LRFN5: variants seen among roughly 807,000 people sequenced by gnomAD.
LRFN5 encodes the protein leucine rich repeat and fibronectin type III domain containing 5, also known as leucine-rich repeat and fibronectin type-III domain-containing protein 5.
LRFN5 carries 24 observed loss-of-function variants against 45.6 expected under a neutral mutation model. The ratio of observed to expected loss-of-function variants is 0.53; its 90% confidence interval spans 0.38 to 0.74. The LOEUF is 0.74. Among genes scored for constraint, LRFN5 ranks in the 30% least tolerant of loss-of-function variants. The pLI, the probability that LRFN5 is intolerant of heterozygous loss-of-function variation, is 0.00. For synonymous variants in LRFN5, 340 were observed against 313.8 expected (o/e 1.08, Z -0.88); for missense variants, 776 against 861.5 (o/e 0.90, Z 1.24).
chr14:41,901,432 TTGTGTGTGTGTGTGTG>T (rs3032306), intron 5 of LRFN5, among the ~76,000 whole-genome samples: 1 of 147,938 alleles, frequency 6.8e-6, no homozygotes, highest in African/African-American at 2.5e-5. Flanking sequence ...TATGTATGCA[TTGTGTGTGTGTGTGTG>T]TGTGTGTGTG....
intron 1 of LRFN5, among the ~76,000 whole-genome samples, chr14:41,667,120 A>C (rs1880937757): frequency 6.6e-6 from 1 of 152,174 alleles, no homozygotes; most frequent in South Asian, 2.1e-4. Flanking sequence ...GGTTAAAACA[A>C]GACAAAGAAT....
intron 1 of LRFN5, among the ~76,000 whole-genome samples, chr14:41,707,094 G>A (rs1051861507): frequency 2.0e-5 from 3 of 152,172 alleles, no homozygotes; most frequent in Non-Finnish European, 4.4e-5. Context: ...AGTATTAACT[G>A]GAAGGTAGGT....
intron 2 of LRFN5, among the ~76,000 whole-genome samples, chr14:41,807,493 T>G (rs1025034486): frequency 1.3e-5 from 2 of 152,134 alleles, no homozygotes; most frequent in African/African-American, 2.4e-5. Flanking sequence ...GGAAAACATC[T>G]GATGAAAAGC....
intron 1 of LRFN5, among the ~76,000 whole-genome samples, chr14:41,665,223 T>C (rs1880841857): frequency 3.9e-5 from 6 of 151,946 alleles, no homozygotes. Flanking sequence ...TATGGCCAGA[T>C]ATAAGACTAA....
intron 1 of LRFN5, among the ~76,000 whole-genome samples, chr14:41,728,448 T>C (rs1165992791): frequency 6.6e-6 from 1 of 152,162 alleles, no homozygotes; most frequent in Non-Finnish European, 1.5e-5. Context: ...TCTTTGTCTT[T>C]CCATTTCAAA....
intron 4 of LRFN5, among the ~76,000 whole-genome samples, chr14:41,895,777 T>C (rs1890919337): frequency 6.6e-6 from 1 of 151,802 alleles, no homozygotes; most frequent in Admixed American, 6.6e-5. Context: ...TTTAAAACAG[T>C]GGGTTTTTAC....
At chr14:41,791,401 A>T (rs1209651174) in intron 2 of LRFN5, among the ~76,000 whole-genome samples, 1 of 152,020 alleles carries the variant, frequency 6.6e-6, no homozygotes, top group Non-Finnish European at 1.5e-5. Flanking sequence ...AGCATAATGA[A>T]TGTACTTGCT....
chr14:41,756,652 A>G (rs1205466069), intron 1 of LRFN5, among the ~76,000 whole-genome samples: 2 of 151,954 alleles, frequency 1.3e-5, no homozygotes, highest in Admixed American at 1.3e-4. Context: ...CTAGTTAGCC[A>G]TTCGTCTAAT....
In LRFN5 at chr14:41,887,070, C is replaced by G; in HGVS notation, c.445C>G (p.Leu149Val). The G allele has an allele frequency of 6.2e-7, 1 of 1,613,964 alleles. No individual in the cohort carries two copies. The highest frequency in any genetic ancestry group is 1.1e-5 in the South Asian group (1 of 91,082). The change falls in exon 3 of 6, where the codon CTT (leucine) becomes GTT (valine). Residue 149 changes from leucine to valine, a missense_variant. Leu to Val is a conservative substitution (Grantham distance 32). This residue lies in a region of LRFN5 where 311 missense variants were observed against 405.1 expected (regional missense o/e 0.77). Coordinates refer to ENST00000298119, the MANE Select transcript of LRFN5 (RefSeq NM_152447.5). This position sits in a 1 kb window ranked among gnomAD's most constrained non-coding sequence, Gnocchi z 4.8. ...TACAGCGTTTGATGATGTCTTCGCCCTTGAGGAGCTGGATCTGTCCTATAA... is the reference window on the plus strand; with the variant it reads ...TACAGCGTTTGATGATGTCTTCGCCGTTGAGGAGCTGGATCTGTCCTATAA... Reference protein sequence around the residue: ...SSTAFDDVFALEELDLSYNNL... With the variant: ...SSTAFDDVFAVEELDLSYNNL...
At chr14:41,822,853 GTTT>G (rs3032270) in intron 2 of LRFN5, among the ~76,000 whole-genome samples, 3,555 of 136,252 alleles carry the variant, frequency 0.026, 54 homozygotes, top group African/African-American at 0.051. Flanking sequence ...ATTTAGGGTT[GTTT>G]TTTTTTTTTT....
rs538221625 is a variant in LRFN5, at chr14:41,646,055, T to C, written c.-197+37493T>C. On this transcript the variant is annotated intron_variant, in intron 1 of 5. Transcript: ENST00000298119. The stretch of plus-strand genomic sequence containing the variant: ...CAGTGGTGTTTCAATATATATCATG[T>C]ATAGTGATCAGATCAGAGTAAGTAG... 3.9e-5 allele frequency among the ~76,000 whole-genome samples: 6 copies of C among 152,286 alleles called. No homozygotes were observed. In the East Asian group the frequency reaches 1.2e-3, roughly 29 times the overall value.
intron 1 of LRFN5, among the ~76,000 whole-genome samples, chr14:41,729,147 A>C (rs573370144): frequency 1.4e-4 from 21 of 152,146 alleles, no homozygotes; most frequent in Non-Finnish European, 7.3e-5. Context: ...TGTGATTCCC[A>C]GTGTTGGAGG....
intron 1 of LRFN5, among the ~76,000 whole-genome samples, chr14:41,716,132 C>T (rs547471348): frequency 6.6e-6 from 1 of 152,168 alleles, no homozygotes; most frequent in South Asian, 2.1e-4. Flanking sequence ...AGGCTGCACA[C>T]AGCACGGGGA....
intron 2 of LRFN5, among the ~76,000 whole-genome samples, chr14:41,851,879 TC>T (rs1426754576): frequency 6.6e-6 from 1 of 151,606 alleles, no homozygotes; most frequent in African/African-American, 2.4e-5. Flanking sequence ...TTGAGAAAAA[TC>T]AGAAATTAGG....
At chr14:41,665,409 T>C (rs1880850645) in intron 1 of LRFN5, among the ~76,000 whole-genome samples, 1 of 152,046 alleles carries the variant, frequency 6.6e-6, no homozygotes, top group Non-Finnish European at 1.5e-5. Flanking sequence ...AGGTGCACTT[T>C]AGAAATGACT....
chr14:41,894,654 T>C (rs1890882479), intron 4 of LRFN5: 1 of 985,044 alleles, frequency 1.0e-6, no homozygotes. Context: ...GAAAAGTAAG[T>C]CTACAGAAAA....
chr14:41,728,494 A>G (rs929308671), intron 1 of LRFN5, among the ~76,000 whole-genome samples: 8 of 152,186 alleles, frequency 5.3e-5, no homozygotes, highest in Non-Finnish European at 2.9e-5. Flanking sequence ...AAAATAAAGC[A>G]AATTGAAACC....
intron 1 of LRFN5, among the ~76,000 whole-genome samples, chr14:41,636,663 G>A (rs1030550792): frequency 1.3e-5 from 2 of 152,022 alleles, no homozygotes; most frequent in African/African-American, 4.8e-5. Context: ...TCCAGTAGGA[G>A]GTGTGGAGCA....
At chr14:41,753,030 C>A (rs1437201350) in intron 1 of LRFN5, among the ~76,000 whole-genome samples, 1 of 152,122 alleles carries the variant, frequency 6.6e-6, no homozygotes, top group Non-Finnish European at 1.5e-5. Flanking sequence ...GGAAACCTTC[C>A]CCCATTTCTT....
Sources: allele counts gnomAD v4.1 joint callset (sites outside exome capture counted in the v4.1 genomes callset), GRCh38; gene constraint gnomAD v4.1.1; regional missense constraint gnomAD v4.1.1; non-coding constraint Gnocchi (gnomAD v3.1); transcripts MANE v1.5; gene names NCBI Gene and HGNC (gene_info 2026-07-23, HGNC 2026-07-21).